Variants in WNT7B observed in about 807,000 individuals in gnomAD.
The protein encoded by WNT7B is protein Wnt-7b.
In WNT7B, 19 loss-of-function variants were observed where a neutral mutation model predicts 38.2. The ratio of observed to expected loss-of-function variants is 0.50; its 90% CI spans 0.35 to 0.73. The LOEUF (loss-of-function observed/expected upper bound fraction) is 0.73, where lower values mean the gene tolerates loss of function less well. Ranked by LOEUF, WNT7B falls within the 30% of genes least tolerant of loss-of-function variation. The pLI is 0.01. For synonymous variants in WNT7B, 243 were observed against 209.3 expected (o/e 1.16, Z -1.39); for missense variants, 423 against 507.9 (o/e 0.83, Z 1.61).
intron 3 of WNT7B, among the ~76,000 whole-genome samples, chr22:45,929,858 TTCCA>T (rs917478764): frequency 3.9e-4 from 41 of 105,272 alleles, no homozygotes; most frequent in African/African-American, 1.0e-3. Flanking sequence ...CCACTCATCC[TTCCA>T]TCCATCCATC....
Position 45,954,448 on chromosome 22 carries a change from A to G in WNT7B, c.72-4302T>C, listed in dbSNP as rs545369022. ...TTTAACCACGATTTTAAAAAACTCT[A>G]TCTATACACGGGACTTCTGCACCCC... On this transcript the variant is annotated intron_variant, in intron 1 of 3. Transcript: ENST00000339464. 2.6e-5 allele frequency among the ~76,000 whole-genome samples: 4 copies of G among 152,334 alleles called. No homozygotes were observed. The South Asian group carries it at 8.3e-4, about 32-fold the overall frequency.
chr22:45,945,604 C>G (rs1411006355), intron 2 of WNT7B, among the ~76,000 whole-genome samples: 1 of 152,236 alleles, frequency 6.6e-6, no homozygotes, highest in Non-Finnish European at 1.5e-5. Context: ...CCAGAGTGAA[C>G]AAGTGAAGAA....
rs1013050086 is a variant in WNT7B at position 45,965,653 on chromosome 22, G to A, written c.71+11031C>T. Among the ~76,000 whole-genome samples, 6 of 152,194 alleles carry A rather than the reference G, an allele frequency of 3.9e-5. No individual in the cohort carries two copies. Among genetic ancestry groups the A allele is most frequent in the African/African-American group, 1.4e-4 (6 of 41,436 alleles). ...TGACCCAACAAAGCTGGCCAGGCTG[G>A]TCTCAGAGCTCCTGGGTCAGGGGCG... On this transcript the variant is annotated intron_variant, in intron 1 of 3. Transcript: ENST00000339464. The surrounding 1 kb of genome is among the most constrained non-coding windows in gnomAD (Gnocchi z 6.5).
chr22:45,944,915 C>G (rs930750590), intron 2 of WNT7B, among the ~76,000 whole-genome samples: 1 of 152,170 alleles, frequency 6.6e-6, no homozygotes, highest in Admixed American at 6.5e-5. Context: ...GAGTGACAGT[C>G]AGATCCAGGT....
chr22:45,956,777 A>G (rs535039667), intron 1 of WNT7B, among the ~76,000 whole-genome samples: 3 of 152,372 alleles, frequency 2.0e-5, no homozygotes, highest in African/African-American at 7.2e-5. Context: ...GGTGTGTGAA[A>G]GAAGCCAGGA....
intron 1 of WNT7B, 60 bp from the exon 2 acceptor site, chr22:45,950,206 C>A: frequency 7.0e-7 from 1 of 1,429,626 alleles, no homozygotes; most frequent in South Asian, 1.2e-5. Context: ...CTCCTCACCC[C>A]CAACACCTTT....
chr22:45,929,069 C>T (rs1008896745), intron 3 of WNT7B, among the ~76,000 whole-genome samples: 8 of 152,042 alleles, frequency 5.3e-5, no homozygotes, highest in Admixed American at 2.0e-4. Flanking sequence ...GAGTTTCTTC[C>T]CCGGGGGTGT....
intron 1 of WNT7B, among the ~76,000 whole-genome samples, chr22:45,955,784 A>C (rs1396633959): frequency 6.6e-6 from 1 of 152,106 alleles, no homozygotes; most frequent in Non-Finnish European, 1.5e-5. Flanking sequence ...TTATGGGAGA[A>C]GAGTTTAGCC....
intron 3 of WNT7B, chr22:45,927,704 TG>T: frequency 1.5e-6 from 1 of 682,900 alleles, no homozygotes; most frequent in East Asian, 2.8e-5. Context: ...AAGACCAGCC[TG>T]GGCAACATGG....
chr22:45,968,730 C>T (rs962517784), intron 1 of WNT7B, among the ~76,000 whole-genome samples: 2 of 152,314 alleles, frequency 1.3e-5, no homozygotes, highest in East Asian at 3.9e-4. Context: ...GGAGGCTCCA[C>T]TTGCCCACCT....
chr22:45,927,054 T>A, intron 3 of WNT7B: 1 of 985,376 alleles, frequency 1.0e-6, no homozygotes, highest in Non-Finnish European at 1.2e-6. Context: ...AGAGGTGCCC[T>A]CAGCTGTCCG....
chr22:45,976,554 G>T lies in WNT7B; in HGVS notation c.71+130C>A. 2 of 1,006,810 alleles carry T rather than the reference G, an allele frequency of 2.0e-6. No individual in the cohort carries two copies. Among genetic ancestry groups the T allele is most frequent in the Non-Finnish European group, 1.5e-6 (1 of 678,478 alleles). 62.4% of individuals were successfully genotyped at this position (1,006,810 alleles called of 1,614,324 possible). On this transcript the variant is annotated intron_variant, in intron 1 of 3. Coordinates refer to ENST00000339464, the MANE Select transcript of WNT7B (RefSeq NM_058238.3). This position sits in a 1 kb window ranked among gnomAD's most constrained non-coding sequence, Gnocchi z 8.5. ...GCGTGGGGCGAGGGTCTGACACACGGGCCAGCCCCGGAGCCCAGAGAGCTG... is the reference window on the plus strand; with the variant it reads ...GCGTGGGGCGAGGGTCTGACACACGTGCCAGCCCCGGAGCCCAGAGAGCTG...
At position 45,950,178 on chromosome 22, in the gene WNT7B, C is replaced by T. The variant is rs201326780; in HGVS notation, c.72-32G>A. The T allele has an allele frequency of 1.8e-4, 281 of 1,585,494 alleles. 3 individuals carry two copies. The East Asian group carries it at 3.9e-3, about 22-fold the overall frequency. On this transcript the variant is annotated intron_variant, in intron 1 of 3. Transcript: ENST00000339464. ...AGGGGAGGAGACAGAGGCCGTGAGA[C>T]GGCGGCGGCCAGCGCCCCTCCTCAC...
rs541960374 is a variant in WNT7B at position 45,976,640 on chromosome 22, C to T, written c.71+44G>A. On this transcript the variant is annotated intron_variant, in intron 1 of 3. Coordinates refer to ENST00000339464, the MANE Select transcript of WNT7B (RefSeq NM_058238.3). The surrounding 1 kb of genome is among the most constrained non-coding windows in gnomAD (Gnocchi z 8.5). ...ACGCCCCGGAGGCAGCTCCTTCGTG[C>T]TGTCTTGGCCCCTGGCTGCTGCCCT... The T allele has an allele frequency of 1.9e-6, 3 of 1,588,170 alleles. No homozygotes were observed. The highest frequency in any genetic ancestry group is 2.3e-5 in the East Asian group (1 of 43,112).
rs563673117 is a variant in WNT7B at position 45,948,950 on chromosome 22, G to A, written c.298+970C>T. Among the ~76,000 whole-genome samples the A allele has an allele frequency of 2.3e-3, 330 of 144,380 alleles. 3 individuals carry two copies. Among genetic ancestry groups the A allele is most frequent in the African/African-American group, 8.0e-3 (319 of 39,628 alleles). The allele number at this position is 144,380 out of a possible 152,430, so 94.7% of individuals were successfully genotyped here. A position where few individuals can be genotyped will look rare whatever the true frequency, so the allele number is the denominator to read the frequency against. On this transcript the variant is annotated intron_variant, in intron 2 of 3. Coordinates refer to ENST00000339464, the MANE Select transcript of WNT7B (RefSeq NM_058238.3). ...ACCTCTCTCCGCCTCCCGGATTCAA[G>A]CAATTCTCCTCCTTCAGCCTCCCAA...
At chr22:45,950,294 G>A in intron 1 of WNT7B, 148 bp from the exon 2 acceptor site, 1 of 707,966 alleles carries the variant, frequency 1.4e-6, no homozygotes, top group East Asian at 2.7e-5. Flanking sequence ...GCCCTCAAGG[G>A]GCTGTTTCCC....
chr22:45,926,066 G>GCCAGGC, intron 3 of WNT7B: 1 of 985,454 alleles, frequency 1.0e-6, no homozygotes, highest in Non-Finnish European at 1.2e-6. Flanking sequence ...CTCCCGCAGG[G>GCCAGGC]CCAGGCCCGT....
chr22:45,931,418 G>A (rs1415573730), intron 2 of WNT7B, 49 bp from the exon 3 acceptor site: 3 of 1,523,226 alleles, frequency 2.0e-6, no homozygotes, highest in Middle Eastern at 2.4e-4. Context: ...CCCTGGGCCA[G>A]GTGGGCTCAG....
chr22:45,945,096 T>C (rs1940333583), intron 2 of WNT7B, among the ~76,000 whole-genome samples: 2 of 152,170 alleles, frequency 1.3e-5, no homozygotes. Flanking sequence ...TAATTTTTTT[T>C]TTTTGAGACG....
Sources: gnomAD v4.1 joint callset for allele counts (sites outside exome capture counted in the v4.1 genomes callset) on GRCh38, gnomAD v4.1.1 for gene constraint, Gnocchi (gnomAD v3.1) non-coding constraint, MANE v1.5 for transcripts, NCBI Gene and HGNC (gene_info 2026-07-23, HGNC 2026-07-21) for gene names.